Variants in ZNF385D observed in about 807,000 individuals in gnomAD.
The protein encoded by ZNF385D is zinc finger protein 659.
A neutral mutation model predicts 35.8 loss-of-function variants in ZNF385D; 15 were observed. The ratio of observed to expected loss-of-function variants is 0.42; its 90% confidence interval spans 0.28 to 0.64. ZNF385D has a LOEUF of 0.64. Ranked by LOEUF, ZNF385D falls within the 30% of genes least tolerant of loss-of-function variation. ZNF385D has a pLI of 0.23. For synonymous variants in ZNF385D, 212 were observed against 186.8 expected (o/e 1.13, Z -1.10); for missense variants, 474 against 494.6 (o/e 0.96, Z 0.39).
At chr3:21,550,492 T>A (rs2125595022) in intron 3 of ZNF385D, among the ~76,000 whole-genome samples, 1 of 152,264 alleles carries the variant, frequency 6.6e-6, no homozygotes, top group Admixed American at 6.5e-5. Context: ...AAAAATTATA[T>A]ATATTTTTTA....
intron 2 of ZNF385D, among the ~76,000 whole-genome samples, chr3:21,642,035 G>A (rs1174075904): frequency 6.6e-6 from 1 of 152,058 alleles, no homozygotes; most frequent in Non-Finnish European, 1.5e-5. Flanking sequence ...CAGGCAACAT[G>A]GCACTGGCCA....
intron 3 of ZNF385D, among the ~76,000 whole-genome samples, chr3:22,147,373 G>A (rs963844873): frequency 6.6e-6 from 1 of 152,046 alleles, no homozygotes; most frequent in African/African-American, 2.4e-5. Context: ...ATATGCTTTC[G>A]GGCCATGGGA....
intron 3 of ZNF385D, among the ~76,000 whole-genome samples, chr3:21,922,858 G>C (rs747286698): frequency 6.6e-6 from 1 of 152,044 alleles, no homozygotes. Context: ...CCTACAGAAT[G>C]GGAGAAAATA....
At chr3:21,900,669 A>G (rs931545804) in intron 3 of ZNF385D, among the ~76,000 whole-genome samples, 1 of 152,190 alleles carries the variant, frequency 6.6e-6, no homozygotes, top group Non-Finnish European at 1.5e-5. Context: ...TTAAATTGAA[A>G]AAATAAAAAT....
chr3:21,991,373 G>A (rs542498233), intron 3 of ZNF385D, among the ~76,000 whole-genome samples: 1 of 152,268 alleles, frequency 6.6e-6, no homozygotes, highest in South Asian at 2.1e-4. Flanking sequence ...ATAGCCACAT[G>A]CCACCACAAA....
At chr3:21,627,327 G>C (rs1435408279) in intron 2 of ZNF385D, among the ~76,000 whole-genome samples, 2 of 148,672 alleles carry the variant, frequency 1.3e-5, no homozygotes, top group African/African-American at 2.5e-5. Flanking sequence ...CTATGCTATG[G>C]GACAACTAAT....
chr3:22,006,308 T>C (rs1696196001), intron 3 of ZNF385D, among the ~76,000 whole-genome samples: 1 of 152,116 alleles, frequency 6.6e-6, no homozygotes, highest in African/African-American at 2.4e-5. Context: ...TTGCAAATGG[T>C]TTTGTATTTC....
chr3:21,592,543 CA>C (rs3041752), intron 2 of ZNF385D, among the ~76,000 whole-genome samples: 4 of 124,968 alleles, frequency 3.2e-5, no homozygotes, highest in East Asian at 5.6e-4. Context: ...GTCTTCATGG[CA>C]AAAAAAAAAA....
chr3:21,749,957 G>GGATACACT (rs1553651812), intron 1 of ZNF385D, among the ~76,000 whole-genome samples: 6 of 151,622 alleles, frequency 4.0e-5, no homozygotes, highest in African/African-American at 9.7e-5. Context: ...TTTGCATCTT[G>GGATACACT]GATACATTTC....
chr3:21,903,917 T>G lies in ZNF385D; in HGVS notation c.326-238889A>C, dbSNP rs549393278. On this transcript the variant is annotated intron_variant, in intron 3 of 5. Coordinates refer to the ZNF385D transcript ENST00000494108. Reference sequence around the variant, plus strand: ...GTCACTCAATATGAGCCTCTGGAATTTGTTTTTTTCTTTATCAAACCAACC... The same window carrying G: ...GTCACTCAATATGAGCCTCTGGAATGTGTTTTTTTCTTTATCAAACCAACC... Among the ~76,000 whole-genome samples, 4 of 152,266 alleles carry G rather than the reference T, an allele frequency of 2.6e-5. No homozygotes were observed. The South Asian group carries it at 8.3e-4, about 32-fold the overall frequency.
intron 3 of ZNF385D, among the ~76,000 whole-genome samples, chr3:21,980,363 G>T (rs1029271182): frequency 6.6e-6 from 1 of 152,042 alleles, no homozygotes; most frequent in South Asian, 2.1e-4. Flanking sequence ...ATAAATTTTG[G>T]TTGTTTTAAG....
chr3:21,681,585 G>A (rs905137102), intron 1 of ZNF385D, among the ~76,000 whole-genome samples: 1 of 151,546 alleles, frequency 6.6e-6, no homozygotes, highest in Non-Finnish European at 1.5e-5. Context: ...CAGTTAAAGT[G>A]GGTAGAAGGG....
intron 3 of ZNF385D, among the ~76,000 whole-genome samples, chr3:22,001,262 G>C (rs1695826741): frequency 6.6e-6 from 1 of 151,828 alleles, no homozygotes; most frequent in Non-Finnish European, 1.5e-5. Context: ...TTCACTGGTA[G>C]ACACATATGG....
Position 21,814,953 on chromosome 3 carries a change from T to C in ZNF385D, c.326-149925A>G, listed in dbSNP as rs181238848. 6.5e-4 allele frequency among the ~76,000 whole-genome samples: 99 copies of C among 152,160 alleles called. 1 individual carries two copies. The highest frequency in any genetic ancestry group is 2.3e-3 in the African/African-American group (96 of 41,502). On this transcript the variant is annotated intron_variant, in intron 3 of 5. Transcript: ENST00000494108. Reference sequence around the variant, plus strand: ...TGGAAGTAAAGCACTCCTCAGCAAATGTAAAAAAACAGAAATTATAACAAA... The same window carrying C: ...TGGAAGTAAAGCACTCCTCAGCAAACGTAAAAAAACAGAAATTATAACAAA...
chr3:22,015,040 A>G (rs753793609), intron 3 of ZNF385D, among the ~76,000 whole-genome samples: 3 of 152,068 alleles, frequency 2.0e-5, no homozygotes, highest in African/African-American at 7.2e-5. Flanking sequence ...ATCACTGTGT[A>G]ATTTCTTTTT....
intron 3 of ZNF385D, among the ~76,000 whole-genome samples, chr3:21,971,275 A>G (rs577009363): frequency 6.9e-4 from 105 of 152,194 alleles, no homozygotes; most frequent in Non-Finnish European, 1.4e-3. Context: ...CTTAAGACAT[A>G]GCATAATAAA....
intron 3 of ZNF385D, among the ~76,000 whole-genome samples, chr3:21,884,609 G>A (rs1292052305): frequency 2.0e-5 from 3 of 151,894 alleles, no homozygotes; most frequent in Non-Finnish European, 4.4e-5. Flanking sequence ...AAAAACACAG[G>A]CAATAAATGG....
At chr3:21,837,797 G>A (rs1390496776) in intron 3 of ZNF385D, among the ~76,000 whole-genome samples, 4 of 151,570 alleles carry the variant, frequency 2.6e-5, no homozygotes, top group Non-Finnish European at 4.4e-5. Flanking sequence ...GCTTGAACCC[G>A]AGAGGTGGAG....
intron 3 of ZNF385D, among the ~76,000 whole-genome samples, chr3:22,001,617 C>G (rs1345112877): frequency 3.9e-5 from 6 of 151,906 alleles, no homozygotes; most frequent in African/African-American, 1.4e-4. Context: ...CACATTACAC[C>G]AAATGGATCT....
Sources: gnomAD v4.1 joint callset for allele counts (sites outside exome capture counted in the v4.1 genomes callset) on GRCh38, gnomAD v4.1.1 for gene constraint, MANE v1.5 for transcripts, NCBI Gene and HGNC (gene_info 2026-07-23, HGNC 2026-07-21) for gene names.